MED13: variants seen among roughly 807,000 people sequenced by gnomAD.
MED13 encodes the protein mediator of RNA polymerase II transcription subunit 13.
MED13 carries 23 observed loss-of-function variants against 225.2 expected under a neutral mutation model. That is an observed-to-expected ratio of 0.10 (90% CI 0.07 to 0.14). The LOEUF is 0.14. Among genes scored for constraint, MED13 ranks in the 10% least tolerant of loss-of-function variants. The pLI is 1.00. For missense variants in MED13, 2,197 were observed against 2,594.5 expected, an observed-to-expected ratio of 0.85 and a Z score of 3.33; for synonymous variants, 942 against 889.2, an observed-to-expected ratio of 1.06 and a Z score of -1.06.
chr17:61,972,680 A>G (rs746207608), intron 17 of MED13, 47 bp downstream of exon 17: 3 of 1,472,752 alleles, frequency 2.0e-6, no homozygotes, highest in Non-Finnish European at 2.7e-6. Flanking sequence ...CAGAAATCTG[A>G]GGACTGATAT....
At chr17:62,032,128 T>G (rs918023829) in intron 5 of MED13, among the ~76,000 whole-genome samples, 5 of 151,892 alleles carry the variant, frequency 3.3e-5, no homozygotes, top group African/African-American at 7.2e-5. Flanking sequence ...ATGGGTTTAT[T>G]TAAAGTGAGC....
At chr17:61,964,975 T>C (rs1463209797) in intron 20 of MED13, 31 bp downstream of exon 20, 2 of 1,576,640 alleles carry the variant, frequency 1.3e-6, no homozygotes, top group Admixed American at 1.9e-5. Context: ...AGTTTTTATA[T>C]TTCTGCAAAA....
chr17:61,957,595 G>A (rs1408692516), intron 23 of MED13, among the ~76,000 whole-genome samples: 1 of 152,052 alleles, frequency 6.6e-6, no homozygotes, highest in Non-Finnish European at 1.5e-5. Flanking sequence ...TGATCCGCCC[G>A]CCTTGGCCTC....
intron 16 of MED13, among the ~76,000 whole-genome samples, chr17:61,974,122 A>G (rs984847490): frequency 3.9e-5 from 6 of 152,190 alleles, no homozygotes; most frequent in Non-Finnish European, 7.4e-5. Context: ...TGAAAATGCT[A>G]ACGGGCCGGG....
At chr17:62,045,066 T>C (rs1255502672) in intron 3 of MED13, among the ~76,000 whole-genome samples, 1 of 152,236 alleles carries the variant, frequency 6.6e-6, no homozygotes, top group Non-Finnish European at 1.5e-5. Flanking sequence ...CAATTATATA[T>C]AGTTGAGGGA....
intron 3 of MED13, among the ~76,000 whole-genome samples, chr17:62,050,499 C>CAA (rs200105012): frequency 7.6e-6 from 1 of 131,482 alleles, no homozygotes; most frequent in Non-Finnish European, 1.7e-5. Flanking sequence ...CTGTTGTGAC[C>CAA]AAAAAAAAAA....
chr17:62,010,643 T>A lies in MED13; in HGVS notation c.1874A>T (p.Asp625Val), dbSNP rs1205371481. 1 of 1,500,072 alleles carries A rather than the reference T, an allele frequency of 6.7e-7. No individual in the cohort carries two copies. Among genetic ancestry groups the A allele is most frequent in the South Asian group, 1.4e-5 (1 of 70,482 alleles). The allele number at this position is 1,500,072 out of a possible 1,614,324, so 92.9% of individuals were successfully genotyped here. A position where few individuals can be genotyped will look rare whatever the true frequency, so the allele number is the denominator to read the frequency against. ...AAGTTGAGGTGGTAAAAACTCTACA[T>A]CTTTTTTCTTTGGGAACTTGTAATA... ...WKYYKFPKKK[D>V]VEFLPPQLPS... is the part of the protein sequence containing the mutation. Residue 625 changes from aspartate to valine, a missense_variant, in exon 9 of 30, where the codon GAT becomes GTT. Physicochemically the swap from Asp to Val is radical, Grantham distance 152 (BLOSUM62 -3). This residue lies in a region of MED13 where 884 missense variants were observed against 918.5 expected (regional missense o/e 0.96). Transcript: ENST00000397786.
At chr17:61,950,596 C>T (rs965138265) in intron 28 of MED13, among the ~76,000 whole-genome samples, 5 of 152,164 alleles carry the variant, frequency 3.3e-5, no homozygotes, top group African/African-American at 1.2e-4. Context: ...GTTGGCCAGG[C>T]TGGTCTCAAA....
At chr17:61,955,612 T>C (rs1289868256) in intron 25 of MED13, 45 bp from the exon 26 acceptor site, 17 of 1,544,312 alleles carry the variant, frequency 1.1e-5, no homozygotes, top group East Asian at 2.3e-5. Context: ...GAAGAATAAA[T>C]TGTATATAAT....
intron 27 of MED13, among the ~76,000 whole-genome samples, chr17:61,952,183 G>A (rs896006763): frequency 7.9e-5 from 12 of 152,040 alleles, no homozygotes; most frequent in African/African-American, 1.9e-4. Flanking sequence ...GTGAGCCACC[G>A]CGCCCAGCCC....
intron 24 of MED13, 33 bp from the exon 25 acceptor site, chr17:61,955,871 A>T: frequency 1.3e-6 from 2 of 1,504,474 alleles, no homozygotes; most frequent in Non-Finnish European, 1.8e-6. Flanking sequence ...AAAAAAAAAA[A>T]AAAAAAAAAA....
chr17:62,010,772 A>G lies in MED13; in HGVS notation c.1745T>C (p.Leu582Ser), dbSNP rs780070113. Residue 582 changes from leucine to serine, a missense_variant, in exon 9 of 30, where the codon TTG becomes TCG. By Grantham distance (145) the Leu-to-Ser change is moderately radical. Transcript: ENST00000397786. ...SKPMEDRIDS[L>S]SQSFPPQYQE... ...ATATTGAGGTGGGAAAGACTGGGAC[A>G]AACTGTCTATCCTATCTTCCATTGG... The G allele has an allele frequency of 1.2e-6, 2 of 1,614,184 alleles. No individual in the cohort carries two copies. Among genetic ancestry groups the G allele is most frequent in the Admixed American group, 3.3e-5 (2 of 60,010 alleles).
chr17:62,035,376 T>C (rs554479503), intron 4 of MED13, 87 bp downstream of exon 4: 1 of 1,124,326 alleles, frequency 8.9e-7, no homozygotes, highest in Admixed American at 2.5e-5. Flanking sequence ...CAGGGGGAAT[T>C]CCATCAATCC....
intron 6 of MED13, chr17:62,030,279 C>T (rs1278162282): frequency 9.5e-6 from 3 of 315,810 alleles, no homozygotes; most frequent in African/African-American, 2.1e-5. Flanking sequence ...GGTGGCGTGT[C>T]GGGGGAGGTG....
chr17:62,008,852 A>G (rs1277860018), intron 9 of MED13, among the ~76,000 whole-genome samples: 1 of 152,192 alleles, frequency 6.6e-6, no homozygotes, highest in Non-Finnish European at 1.5e-5. Flanking sequence ...ACATTATAAC[A>G]GAAATAAGAA....
chr17:62,006,241 T>C (rs1013210996), intron 9 of MED13: 1 of 118,096 alleles, frequency 8.5e-6, no homozygotes, highest in Non-Finnish European at 1.6e-5. Flanking sequence ...ACACTGCCTA[T>C]GGGTGTAGCC....
In MED13 at chr17:61,961,776, T is replaced by C; in HGVS notation, c.5068A>G (p.Ile1690Val). The C allele has an allele frequency of 6.2e-7, 1 of 1,612,352 alleles. No homozygotes were observed. Among genetic ancestry groups the C allele is most frequent in the South Asian group, 1.1e-5 (1 of 91,008 alleles). The change falls in exon 22 of 30, where the codon ATT becomes GTT. Residue 1690 changes from isoleucine to valine, a missense_variant. Around this residue, in one of 12 missense-constraint regions of MED13, gnomAD observed 457 missense variants for 442.2 expected, o/e 1.03. Coordinates refer to ENST00000397786, the MANE Select transcript of MED13 (RefSeq NM_005121.3). The part of the protein sequence containing the change: ...HIKSTVSVQI[I>V]PCQYLLQPVK... ...GGTTGCAACAGGTACTGACAAGGAA[T>C]AATCTAAGAAGTATAGGCAAATATT...
At chr17:62,015,923 T>C (rs1326449303) in intron 8 of MED13, among the ~76,000 whole-genome samples, 103 of 5,684 alleles carry the variant, frequency 0.018, 7 homozygotes, top group African/African-American at 0.034. Context: ...CACATATATA[T>C]ATATATATAT....
At position 61,982,377 on chromosome 17, in the gene MED13, T is replaced by A; in HGVS notation, c.3626A>T (p.Asp1209Val). Residue 1209 changes from aspartate to valine, a missense_variant, in exon 16 of 30, where the codon GAT becomes GTT. By Grantham distance (152) the Asp-to-Val change is radical. Coordinates refer to ENST00000397786, the MANE Select transcript of MED13 (RefSeq NM_005121.3). The stretch of plus-strand genomic sequence containing the variant: ...AATTACACCACTTTTAGGAAAAGGA[T>A]CTTGGTCTGCTGCTCCAAAGGGTGA... ...LFSPFGAADQ[D>V]PFPKSGVISN... 6.2e-7 allele frequency: 1 copy of A among 1,614,198 alleles called. No individual in the cohort carries two copies. Among genetic ancestry groups the A allele is most frequent in the Non-Finnish European group, 8.5e-7 (1 of 1,180,032 alleles).
Sources: allele counts gnomAD v4.1 joint callset (sites outside exome capture counted in the v4.1 genomes callset), GRCh38; gene constraint gnomAD v4.1.1; regional missense constraint gnomAD v4.1.1; transcripts MANE v1.5; gene names NCBI Gene and HGNC (gene_info 2026-07-23, HGNC 2026-07-21).